PCSK6: variants seen among roughly 807,000 people sequenced by gnomAD.
The protein encoded by PCSK6 is paired basic amino acid cleaving enzyme 4.
A neutral mutation model predicts 123.3 loss-of-function variants in PCSK6; 85 were observed. The observed-to-expected ratio is 0.69, with a 90% CI of 0.58 to 0.83. PCSK6 has a LOEUF of 0.83. PCSK6 is among the 40% of genes least tolerant of loss of function. The probability of loss-of-function intolerance (pLI) is 0.00; values close to 1 mark genes in which losing one functional copy is unlikely to be tolerated. For synonymous variants in PCSK6, 508 were observed against 516.0 expected (o/e 0.98, Z 0.21); for missense variants, 1,191 against 1,282.3 (o/e 0.93, Z 1.09).
chr15:101,421,556 A>G (rs2056085896), intron 6 of PCSK6, among the ~76,000 whole-genome samples: 1 of 152,210 alleles, frequency 6.6e-6, no homozygotes, highest in African/African-American at 2.4e-5. Context: ...CTTGTTATAA[A>G]GAAAGCCAGC....
intron 1 of PCSK6, among the ~76,000 whole-genome samples, chr15:101,468,936 G>A (rs4965877): frequency 0.6 from 91,678 of 151,994 alleles, 28,424 homozygotes; most frequent in Non-Finnish European, 0.69. Context: ...ATATTTTACA[G>A]GTGAATGATT....
intron 6 of PCSK6, among the ~76,000 whole-genome samples, chr15:101,424,121 G>C (rs2056174376): frequency 2.0e-5 from 3 of 151,966 alleles, no homozygotes; most frequent in South Asian, 2.1e-4. Context: ...TGCAGTCCCA[G>C]ATACTTGGGA....
chr15:101,417,840 TG>T (rs1219872109), intron 6 of PCSK6, among the ~76,000 whole-genome samples: 5 of 151,748 alleles, frequency 3.3e-5, no homozygotes, highest in African/African-American at 1.2e-4. Flanking sequence ...TGCAAAAGCC[TG>T]TTTTTTTTTA....
chr15:101,412,373 C>CA (rs1227613764), intron 6 of PCSK6, among the ~76,000 whole-genome samples: 1 of 152,070 alleles, frequency 6.6e-6, no homozygotes, highest in Non-Finnish European at 1.5e-5. Context: ...ATCTGACAGA[C>CA]ATTTTATTCA....
Position 101,304,552 on chromosome 15 carries a change from A to G in PCSK6, c.*706T>C, listed in dbSNP as rs1005560303. The G allele has an allele frequency of 2.0e-5, 3 of 152,222 alleles. No homozygotes were observed. The highest frequency in any genetic ancestry group is 2.0e-4 in the Admixed American group (3 of 15,288). The allele number at this position is 152,222 out of a possible 1,614,324, so 9.4% of individuals were successfully genotyped here. On this transcript the variant is annotated 3_prime_UTR_variant, in exon 22 of 22. Coordinates refer to ENST00000611716, the MANE Select transcript of PCSK6 (RefSeq NM_002570.5). ...CGTTCAGGCCATGAGACTCCTGAAG[A>G]CACAGACAGAACACGGTAACAAGGA...
rs73485023 is a variant in PCSK6, at chr15:101,482,659, C to T, written c.297+6715G>A. Among the ~76,000 whole-genome samples, 1,150 of 152,244 alleles carry T rather than the reference C, an allele frequency of 7.6e-3. 15 individuals carry two copies. Among genetic ancestry groups the T allele is most frequent in the African/African-American group, 0.026 (1,074 of 41,546 alleles). On this transcript the variant is annotated intron_variant, in intron 1 of 21. Transcript: ENST00000611716. ...GCTCAAAGCCGGCAGGAGTATCAGG[C>T]GGTGTCCCAGCCTCCCCCAGCCCAT...
chr15:101,418,345 A>C (rs1242693040), intron 6 of PCSK6, among the ~76,000 whole-genome samples: 1 of 152,186 alleles, frequency 6.6e-6, no homozygotes, highest in Non-Finnish European at 1.5e-5. Context: ...ACTCTGATAA[A>C]CAAGTTAGAG....
intron 20 of PCSK6, 29 bp downstream of exon 20, chr15:101,313,347 C>T (rs752548844): frequency 9.9e-6 from 16 of 1,612,658 alleles, no homozygotes; most frequent in East Asian, 8.9e-5. Context: ...GACACAGCTG[C>T]CTGCCGTTCC....
intron 1 of PCSK6, among the ~76,000 whole-genome samples, chr15:101,465,609 G>C (rs2057440232): frequency 6.6e-6 from 1 of 152,134 alleles, no homozygotes; most frequent in Non-Finnish European, 1.5e-5. Flanking sequence ...TCTGACTGTG[G>C]GGTAGGAAGG....
intron 13 of PCSK6, among the ~76,000 whole-genome samples, chr15:101,337,886 T>A (rs575735667): frequency 6.6e-6 from 1 of 152,348 alleles, no homozygotes; most frequent in Admixed American, 6.5e-5. Context: ...CAACCTCTTA[T>A]GATAGGTTAT....
At chr15:101,399,985 G>T (rs1418555018) in intron 6 of PCSK6, among the ~76,000 whole-genome samples, 1 of 152,012 alleles carries the variant, frequency 6.6e-6, no homozygotes, top group Non-Finnish European at 1.5e-5. Flanking sequence ...CCAAACTTTG[G>T]GAAAAAGAGA....
At chr15:101,481,598 G>A (rs761762251) in intron 1 of PCSK6, among the ~76,000 whole-genome samples, 21 of 152,304 alleles carry the variant, frequency 1.4e-4, no homozygotes, top group Non-Finnish European at 2.1e-4. Flanking sequence ...TGTGCTGGGC[G>A]GTGGCAGGGG....
intron 12 of PCSK6, among the ~76,000 whole-genome samples, chr15:101,369,148 G>A (rs1010350687): frequency 3.9e-5 from 6 of 152,198 alleles, no homozygotes; most frequent in African/African-American, 1.4e-4. Flanking sequence ...TGCTGCCACC[G>A]CTCCAGCTTG....
chr15:101,320,230 C>T (rs1194847957), intron 18 of PCSK6, among the ~76,000 whole-genome samples: 7 of 152,176 alleles, frequency 4.6e-5, no homozygotes, highest in African/African-American at 9.7e-5. Context: ...AGATTACAGG[C>T]GTGCACCACC....
intron 2 of PCSK6, among the ~76,000 whole-genome samples, chr15:101,437,268 G>T (rs917311738): frequency 2.6e-5 from 4 of 152,196 alleles, no homozygotes; most frequent in African/African-American, 9.7e-5. Context: ...AGTGAGAGAC[G>T]ATTACATGGT....
At chr15:101,381,993 G>A (rs1279816904) in intron 11 of PCSK6, 99 bp downstream of exon 11, 1 of 742,572 alleles carries the variant, frequency 1.3e-6, no homozygotes, top group African/African-American at 1.7e-5. Context: ...CATGTGCACA[G>A]AATGCATGTG....
At chr15:101,419,078 T>C (rs146146938) in intron 6 of PCSK6, among the ~76,000 whole-genome samples, 236 of 152,252 alleles carry the variant, frequency 1.6e-3, no homozygotes, top group Non-Finnish European at 2.1e-3. Flanking sequence ...CACTATTCAA[T>C]ATTCATCAGG....
At chr15:101,437,299 C>T (rs755578094) in intron 2 of PCSK6, among the ~76,000 whole-genome samples, 1 of 152,218 alleles carries the variant, frequency 6.6e-6, no homozygotes, top group Non-Finnish European at 1.5e-5. Flanking sequence ...CCCATCATGG[C>T]GAGATGCCCA....
At chr15:101,428,443 C>T (rs1458398451) in intron 5 of PCSK6, among the ~76,000 whole-genome samples, 4 of 152,190 alleles carry the variant, frequency 2.6e-5, no homozygotes, top group African/African-American at 9.7e-5. Context: ...TGTCACCTGC[C>T]TCATCCCCTA....
Sources: allele counts gnomAD v4.1 joint callset (sites outside exome capture counted in the v4.1 genomes callset), GRCh38; gene constraint gnomAD v4.1.1; transcripts MANE v1.5; gene names NCBI Gene and HGNC (gene_info 2026-07-23, HGNC 2026-07-21).